GALNT13: variants seen among roughly 807,000 people sequenced by gnomAD.
GALNT13 encodes the protein UDP-GalNAc:polypeptide N-acetylgalactosaminyltransferase 13.
GALNT13 carries 28 observed loss-of-function variants against 64.2 expected under a neutral mutation model. That is an observed-to-expected ratio of 0.44 (90% CI 0.32 to 0.60). The LOEUF (loss-of-function observed/expected upper bound fraction) is 0.60, where lower values mean the gene tolerates loss of function less well. Ranked by LOEUF, GALNT13 falls within the 20% of genes least tolerant of loss-of-function variation. The probability of loss-of-function intolerance (pLI) is 0.05; values close to 1 mark genes in which losing one functional copy is unlikely to be tolerated. For synonymous variants in GALNT13, 214 were observed against 224.6 expected (o/e 0.95, Z 0.42); for missense variants, 577 against 669.8 (o/e 0.86, Z 1.53).
intron 8 of GALNT13, among the ~76,000 whole-genome samples, chr2:154,288,678 T>C (rs1343948470): frequency 6.6e-6 from 1 of 152,210 alleles, no homozygotes; most frequent in Non-Finnish European, 1.5e-5. Flanking sequence ...CAGTGAAATC[T>C]TAAAGCTCCC....
At chr2:154,323,486 A>G (rs1320721730) in intron 9 of GALNT13, among the ~76,000 whole-genome samples, 2 of 152,076 alleles carry the variant, frequency 1.3e-5, no homozygotes, top group Non-Finnish European at 2.9e-5. Flanking sequence ...TTTAATATGT[A>G]TATTTTATTT....
At chr2:154,364,092 T>TA (rs1697228808) in intron 9 of GALNT13, among the ~76,000 whole-genome samples, 1 of 152,182 alleles carries the variant, frequency 6.6e-6, no homozygotes, top group Non-Finnish European at 1.5e-5. Context: ...TGACCAGAGG[T>TA]AAGATACTGT....
intron 2 of GALNT13, among the ~76,000 whole-genome samples, chr2:153,922,929 T>G (rs1281792327): frequency 1.3e-5 from 2 of 152,140 alleles, no homozygotes; most frequent in East Asian, 1.9e-4. Context: ...AAACAGAGTC[T>G]CCCTCTGTCA....
chr2:153,781,274 C>G, the GALNT13 span, among the ~76,000 whole-genome samples: 1 of 152,118 alleles, frequency 6.6e-6, no homozygotes, highest in Non-Finnish European at 1.5e-5. Context: ...ATGTCAGAAC[C>G]TATAAAATTG....
the GALNT13 span, among the ~76,000 whole-genome samples, chr2:153,281,540 A>T: frequency 6.6e-6 from 1 of 152,142 alleles, no homozygotes; most frequent in South Asian, 2.1e-4. Context: ...TTTCAGGTTT[A>T]GAATTCTCTT....
intron 3 of GALNT13, among the ~76,000 whole-genome samples, chr2:153,985,423 G>A (rs1270061233): frequency 6.6e-6 from 1 of 151,780 alleles, no homozygotes; most frequent in African/African-American, 2.4e-5. Flanking sequence ...CTGTTCAGTT[G>A]TATTCCTCTT....
the GALNT13 span, among the ~76,000 whole-genome samples, chr2:153,118,700 TGAGCCATGCATTATTCTAG>T: frequency 6.6e-6 from 1 of 152,226 alleles, no homozygotes; most frequent in Non-Finnish European, 1.5e-5. Context: ...TAGTTCATTA[TGAGCCATGCATTATTCTAG>T]GAGCCATGCA....
intron 3 of GALNT13, among the ~76,000 whole-genome samples, chr2:154,022,151 G>C (rs34912718): frequency 0.2 from 31,061 of 152,040 alleles, 4,089 homozygotes; most frequent in Middle Eastern, 0.33. Flanking sequence ...CAAGGATATT[G>C]GTCTAAAATT....
intron 8 of GALNT13, among the ~76,000 whole-genome samples, chr2:154,289,923 G>A (rs541126487): frequency 1.1e-4 from 16 of 152,308 alleles, no homozygotes; most frequent in African/African-American, 3.8e-4. Context: ...CTCACTTTGA[G>A]TCTAGTGAGA....
the GALNT13 span, among the ~76,000 whole-genome samples, chr2:153,831,723 C>G: frequency 6.6e-6 from 1 of 152,140 alleles, no homozygotes; most frequent in Non-Finnish European, 1.5e-5. Flanking sequence ...TTCTACAGTT[C>G]TCTTTTGAGT....
chr2:153,670,175 C>T, the GALNT13 span, among the ~76,000 whole-genome samples: 2 of 152,150 alleles, frequency 1.3e-5, no homozygotes, highest in African/African-American at 2.4e-5. Flanking sequence ...GCCTGACAGC[C>T]CTGAAGAGAG....
At chr2:154,203,484 G>T (rs1687280065) in intron 4 of GALNT13, among the ~76,000 whole-genome samples, 2 of 152,054 alleles carry the variant, frequency 1.3e-5, no homozygotes, top group African/African-American at 2.4e-5. Flanking sequence ...TAGATACATA[G>T]ATAGATTTTT....
the GALNT13 span, among the ~76,000 whole-genome samples, chr2:153,210,043 C>A: frequency 2.6e-5 from 4 of 151,924 alleles, no homozygotes; most frequent in African/African-American, 7.2e-5. Context: ...ATTGTGTATC[C>A]TTTGACTTTA....
At chr2:153,937,916 A>G (rs1433335117) in intron 2 of GALNT13, among the ~76,000 whole-genome samples, 1 of 152,206 alleles carries the variant, frequency 6.6e-6, no homozygotes, top group Admixed American at 6.5e-5. Context: ...CAGGACCTAA[A>G]GCCTGTGAAG....
At chr2:153,485,600 A>C in the GALNT13 span, among the ~76,000 whole-genome samples, 1 of 152,134 alleles carries the variant, frequency 6.6e-6, no homozygotes, top group Non-Finnish European at 1.5e-5. Flanking sequence ...CTTTTTCTTT[A>C]CAAAGGAAAA....
the GALNT13 span, among the ~76,000 whole-genome samples, chr2:153,479,576 C>T: frequency 6.6e-6 from 1 of 152,132 alleles, no homozygotes; most frequent in Non-Finnish European, 1.5e-5. Context: ...AACAGAGTGA[C>T]CACTTGCTTG....
the GALNT13 span, among the ~76,000 whole-genome samples, chr2:153,168,645 C>T: frequency 6.6e-6 from 1 of 151,950 alleles, no homozygotes; most frequent in South Asian, 2.1e-4. Context: ...GATTGTATGC[C>T]CTTGGATAAA....
rs186943316 is a variant in GALNT13, at chr2:154,021,584, G to A, written c.142+76945G>A. 7.0e-3 allele frequency among the ~76,000 whole-genome samples: 1,058 copies of A among 152,036 alleles called. 14 individuals are homozygous for A. Among genetic ancestry groups the A allele is most frequent in the African/African-American group, 0.025 (1,018 of 41,442 alleles). On this transcript the variant is annotated intron_variant, in intron 3 of 12. Transcript: ENST00000392825. ...GAGACTTTGCTGAAGTTGCTTATCA[G>A]CTTGAGGAGATTTTGGGCTGAGACA...
At chr2:154,238,064 A>T (rs1559042090) in intron 4 of GALNT13, among the ~76,000 whole-genome samples, 1 of 152,026 alleles carries the variant, frequency 6.6e-6, no homozygotes, top group Non-Finnish European at 1.5e-5. Context: ...ATAAATGTAG[A>T]ATCATGAGTT....
Sources: gnomAD v4.1 joint callset for allele counts (sites outside exome capture counted in the v4.1 genomes callset) on GRCh38, gnomAD v4.1.1 for gene constraint, MANE v1.5 for transcripts, NCBI Gene and HGNC (gene_info 2026-07-23, HGNC 2026-07-21) for gene names.